Variants in PLCB4 observed in about 807,000 individuals in gnomAD.
The protein encoded by PLCB4 is phospholipase C beta 4.
PLCB4 carries 77 observed loss-of-function variants against 178.8 expected under a neutral mutation model. The observed-to-expected ratio is 0.43, with a 90% CI of 0.36 to 0.52. PLCB4 has a LOEUF of 0.52. Among genes scored for constraint, PLCB4 ranks in the 20% least tolerant of loss-of-function variants. The pLI is 0.00. For missense variants in PLCB4, 1,024 were observed against 1,453.4 expected (o/e 0.70, Z 4.80); for synonymous variants, 496 against 490.8 (o/e 1.01, Z -0.14).
At chr20:9,450,347 T>C (rs1043722225) in intron 32 of PLCB4, among the ~76,000 whole-genome samples, 3 of 152,140 alleles carry the variant, frequency 2.0e-5, no homozygotes, top group Admixed American at 6.5e-5. Context: ...CAGAGTCACA[T>C]GGAAATCAGT....
chr20:9,314,000 T>C (rs944619381), intron 4 of PLCB4, among the ~76,000 whole-genome samples: 1 of 152,182 alleles, frequency 6.6e-6, no homozygotes, highest in African/African-American at 2.4e-5. Flanking sequence ...GGCTGAGTCT[T>C]GATAGGTGAG....
At chr20:9,351,061 A>G (rs1364332130) in intron 7 of PLCB4, among the ~76,000 whole-genome samples, 1 of 152,184 alleles carries the variant, frequency 6.6e-6, no homozygotes, top group Non-Finnish European at 1.5e-5. Flanking sequence ...CCACATATAA[A>G]GGGGGTTCTT....
At chr20:9,419,775 A>T (rs1234383607) in intron 25 of PLCB4, 32 bp from the exon 26 acceptor site, 1 of 1,323,234 alleles carries the variant, frequency 7.6e-7, no homozygotes, top group Non-Finnish European at 1.1e-6. Flanking sequence ...TGTAAAACCT[A>T]CTAATAAACT....
intron 2 of PLCB4, among the ~76,000 whole-genome samples, chr20:9,170,193 T>C (rs989831637): frequency 1.3e-5 from 2 of 152,206 alleles, no homozygotes; most frequent in African/African-American, 4.8e-5. Context: ...GCAAGTGATC[T>C]GTGGTTAGTT....
intron 1 of PLCB4, among the ~76,000 whole-genome samples, chr20:9,093,357 A>T (rs913990727): frequency 3.3e-5 from 5 of 152,014 alleles, no homozygotes; most frequent in Non-Finnish European, 7.4e-5. Context: ...CAGTCCTTTT[A>T]CTGATAAATT....
At chr20:9,315,162 GA>G (rs1209096915) in intron 4 of PLCB4, among the ~76,000 whole-genome samples, 41 of 152,280 alleles carry the variant, frequency 2.7e-4, no homozygotes, top group African/African-American at 9.4e-4. Context: ...TTAGGGGTAA[GA>G]TCGTAAATGT....
intron 2 of PLCB4, among the ~76,000 whole-genome samples, chr20:9,202,209 TGTGTGGGA>T (rs2093555712): frequency 6.6e-6 from 1 of 152,044 alleles, no homozygotes; most frequent in African/African-American, 2.4e-5. Context: ...GATCAGTGGT[TGTGTGGGA>T]GTGGGAAGAG....
At chr20:9,334,784 A>G (rs1364634426) in intron 4 of PLCB4, among the ~76,000 whole-genome samples, 1 of 152,064 alleles carries the variant, frequency 6.6e-6, no homozygotes, top group Non-Finnish European at 1.5e-5. Context: ...AAAGAAGTCA[A>G]ATATAGGAGG....
At chr20:9,293,662 C>T (rs2094603753) in intron 3 of PLCB4, among the ~76,000 whole-genome samples, 1 of 139,146 alleles carries the variant, frequency 7.2e-6, no homozygotes, top group East Asian at 2.2e-4. Context: ...TTGTTTACTG[C>T]TATATGCTGG....
At chr20:9,436,405 G>T (rs1453345362) in intron 29 of PLCB4, among the ~76,000 whole-genome samples, 3 of 152,210 alleles carry the variant, frequency 2.0e-5, no homozygotes, top group African/African-American at 7.2e-5. Flanking sequence ...AGGCTGGAGT[G>T]CAGTAGTGTG....
chr20:9,181,646 T>C (rs1311497801), intron 2 of PLCB4, among the ~76,000 whole-genome samples: 1 of 152,132 alleles, frequency 6.6e-6, no homozygotes, highest in Non-Finnish European at 1.5e-5. Flanking sequence ...TGTTTGTCTC[T>C]GTTCTTTTAT....
intron 3 of PLCB4, among the ~76,000 whole-genome samples, chr20:9,239,264 C>T (rs992022849): frequency 1.1e-4 from 16 of 152,274 alleles, no homozygotes; most frequent in African/African-American, 3.1e-4. Context: ...TCCTCTTTTA[C>T]GTTGTCAAGT....
intron 36 of PLCB4, among the ~76,000 whole-genome samples, chr20:9,471,795 GA>G (rs2044210393): frequency 6.6e-6 from 1 of 152,126 alleles, no homozygotes. Flanking sequence ...ACTGCAGATG[GA>G]AATGCAGTTG....
chr20:9,285,712 G>A (rs192321675), intron 3 of PLCB4, among the ~76,000 whole-genome samples: 3 of 151,972 alleles, frequency 2.0e-5, no homozygotes, highest in Admixed American at 6.6e-5. Flanking sequence ...AACAAAATAA[G>A]CAAAAAAGTT....
intron 7 of PLCB4, among the ~76,000 whole-genome samples, chr20:9,362,658 C>G (rs1222364408): frequency 1.3e-5 from 2 of 152,180 alleles, no homozygotes; most frequent in African/African-American, 4.8e-5. Flanking sequence ...TCCTTTGTGG[C>G]AGCCCAGAGT....
chr20:9,424,869 A>C (rs2040887194), intron 28 of PLCB4, among the ~76,000 whole-genome samples: 1 of 152,218 alleles, frequency 6.6e-6, no homozygotes, highest in African/African-American at 2.4e-5. Flanking sequence ...TATCTGGGGA[A>C]TATGGGATAA....
chr20:9,247,480 T>G (rs1281963526), intron 3 of PLCB4, among the ~76,000 whole-genome samples: 1 of 152,212 alleles, frequency 6.6e-6, no homozygotes, highest in Non-Finnish European at 1.5e-5. Flanking sequence ...ACAACCCTCT[T>G]CAAGTGCAGA....
At chr20:9,088,304 C>T (rs1184257714) in intron 1 of PLCB4, among the ~76,000 whole-genome samples, 1 of 151,578 alleles carries the variant, frequency 6.6e-6, no homozygotes, top group East Asian at 1.9e-4. Flanking sequence ...TGGAGGTGAT[C>T]TCTGGACTGG....
At chr20:9,473,783 A>G (rs2044350472) in intron 38 of PLCB4, among the ~76,000 whole-genome samples, 1 of 152,206 alleles carries the variant, frequency 6.6e-6, no homozygotes. Flanking sequence ...ACGAAGTTTA[A>G]AAACCTCCCT....
Sources: gnomAD v4.1 joint callset for allele counts (sites outside exome capture counted in the v4.1 genomes callset) on GRCh38, gnomAD v4.1.1 for gene constraint, MANE v1.5 for transcripts, NCBI Gene and HGNC (gene_info 2026-07-23, HGNC 2026-07-21) for gene names.